RIMS2: variants seen among roughly 807,000 people sequenced by gnomAD.
RIMS2 encodes the protein regulating synaptic membrane exocytosis 2.
In RIMS2, 59 loss-of-function variants were observed where a neutral mutation model predicts 174.4. That is an observed-to-expected ratio of 0.34 (90% CI 0.27 to 0.42). The LOEUF (loss-of-function observed/expected upper bound fraction) is 0.42, where lower values mean the gene tolerates loss of function less well. Ranked by LOEUF, RIMS2 falls within the 10% of genes least tolerant of loss-of-function variation. The pLI is 1.00. For synonymous variants in RIMS2, 606 were observed against 572.5 expected (o/e 1.06, Z -0.84); for missense variants, 1,620 against 1,666.3 (o/e 0.97, Z 0.48).
intron 19 of RIMS2, among the ~76,000 whole-genome samples, chr8:104,095,386 G>A: frequency 6.6e-6 from 1 of 152,186 alleles, no homozygotes. Flanking sequence ...TTTATTAGAA[G>A]GCAAGTGTTG....
intron 1 of RIMS2, among the ~76,000 whole-genome samples, chr8:103,611,537 T>A (rs998528914): frequency 6.6e-6 from 1 of 152,010 alleles, no homozygotes; most frequent in African/African-American, 2.4e-5. Flanking sequence ...GGAGGAATTT[T>A]TTTTTTTTTG....
At chr8:104,197,412 A>G (rs1163152097) in intron 19 of RIMS2, among the ~76,000 whole-genome samples, 2 of 152,086 alleles carry the variant, frequency 1.3e-5, no homozygotes, top group East Asian at 3.9e-4. Context: ...CCTGACCTCA[A>G]GTGATCCACT....
At chr8:104,195,463 A>C (rs1409701307) in intron 19 of RIMS2, among the ~76,000 whole-genome samples, 1 of 152,052 alleles carries the variant, frequency 6.6e-6, no homozygotes, top group Non-Finnish European at 1.5e-5. Context: ...GGGCCTCTGA[A>C]TAAGAAATGT....
At chr8:103,929,594 A>G (rs917435712) in intron 11 of RIMS2, among the ~76,000 whole-genome samples, 2 of 151,826 alleles carry the variant, frequency 1.3e-5, no homozygotes, top group Non-Finnish European at 3.0e-5. Flanking sequence ...ATGAAGCCAT[A>G]AACTCTTTAA....
intron 15 of RIMS2, among the ~76,000 whole-genome samples, chr8:103,970,387 G>C (rs1162698190): frequency 8.5e-5 from 13 of 152,142 alleles, no homozygotes; most frequent in Admixed American, 7.9e-4. Context: ...TTCCCCTGAG[G>C]GAAAGTCTTG....
At chr8:104,084,441 A>AAAG (rs1467672757) in intron 19 of RIMS2, among the ~76,000 whole-genome samples, 1 of 150,950 alleles carries the variant, frequency 6.6e-6, no homozygotes, top group East Asian at 1.9e-4. Flanking sequence ...CTGTCTCAAA[A>AAAG]AAAAAAAAAA....
chr8:103,606,433 T>G (rs2095085655), intron 1 of RIMS2, among the ~76,000 whole-genome samples: 1 of 152,086 alleles, frequency 6.6e-6, no homozygotes, highest in African/African-American at 2.4e-5. Flanking sequence ...ATGTGGTCAA[T>G]TTTGGAATAA....
chr8:103,674,855 T>G (rs563030066), intron 1 of RIMS2, among the ~76,000 whole-genome samples: 43 of 149,344 alleles, frequency 2.9e-4, no homozygotes, highest in African/African-American at 1.0e-3. Context: ...AGCATTTTTA[T>G]GCAACATAAA....
exon 10 of RIMS2, chr8:103,921,742 A>T: frequency 6.4e-7 from 1 of 1,559,806 alleles, no homozygotes; most frequent in Non-Finnish European, 8.8e-7. Context: ...TGAGTCCTGG[A>T]ATGTTGAGGG....
At chr8:103,698,240 C>G (rs1346099308) in intron 2 of RIMS2, among the ~76,000 whole-genome samples, 1 of 151,800 alleles carries the variant, frequency 6.6e-6, no homozygotes, top group Non-Finnish European at 1.5e-5. Context: ...GATTTTTTTT[C>G]TTGACTAGGT....
At chr8:103,564,154 A>C in intron 1 of RIMS2, among the ~76,000 whole-genome samples, 1 of 152,210 alleles carries the variant, frequency 6.6e-6, no homozygotes, top group Non-Finnish European at 1.5e-5. Context: ...ACTTTTGTTA[A>C]GACATGCACT....
intron 19 of RIMS2, among the ~76,000 whole-genome samples, chr8:104,169,397 T>A (rs2098818904): frequency 6.7e-6 from 1 of 150,236 alleles, no homozygotes; most frequent in African/African-American, 2.4e-5. Context: ...TGTCTCTTCC[T>A]ATTTAAACTA....
chr8:104,083,819 G>T (rs893630329), intron 19 of RIMS2, among the ~76,000 whole-genome samples: 1 of 152,040 alleles, frequency 6.6e-6, no homozygotes, highest in African/African-American at 2.4e-5. Flanking sequence ...TCTTGACTGA[G>T]GCAGATATTT....
intron 17 of RIMS2, chr8:103,998,067 A>G (rs995218636): frequency 1.6e-5 from 11 of 686,510 alleles, no homozygotes; most frequent in South Asian, 4.0e-5. Flanking sequence ...AACAGTTTCC[A>G]TGTGCTTTGC....
At chr8:104,252,911 A>G (rs968640582), downstream of RIMS2, 1 of 152,120 alleles carries the variant, frequency 6.6e-6, no homozygotes, top group Non-Finnish European at 1.5e-5. Context: ...AAAAATTACA[A>G]GTTTTGATCT....
intron 19 of RIMS2, among the ~76,000 whole-genome samples, chr8:104,144,930 A>G (rs1316402315): frequency 1.3e-5 from 2 of 152,104 alleles, no homozygotes; most frequent in African/African-American, 4.8e-5. Flanking sequence ...TATTTGATAC[A>G]TATGTCGTCC....
At chr8:103,521,924 C>T (rs995881803) in intron 1 of RIMS2, among the ~76,000 whole-genome samples, 3 of 151,056 alleles carry the variant, frequency 2.0e-5, no homozygotes, top group African/African-American at 7.3e-5. Flanking sequence ...CCTGCTCTAC[C>T]TTGCTTCTCT....
chr8:103,996,295 T>TA (rs1332878336), intron 17 of RIMS2, among the ~76,000 whole-genome samples: 18 of 147,590 alleles, frequency 1.2e-4, no homozygotes, highest in South Asian at 4.2e-4. Flanking sequence ...AGTGATGTGC[T>TA]AAAAAAAAAA....
intron 1 of RIMS2, among the ~76,000 whole-genome samples, chr8:103,617,631 T>C (rs915136287): frequency 3.3e-5 from 5 of 151,990 alleles, no homozygotes; most frequent in African/African-American, 1.2e-4. Flanking sequence ...CTAATATTCA[T>C]CATCTACAAG....
Sources: allele counts gnomAD v4.1 joint callset (sites outside exome capture counted in the v4.1 genomes callset), GRCh38; gene constraint gnomAD v4.1.1; transcripts MANE v1.5; gene names NCBI Gene and HGNC (gene_info 2026-07-23, HGNC 2026-07-21).